The following STARD13 variants were observed in gnomAD, a reference collection of about 807,000 sequenced individuals.
The protein encoded by STARD13 is stAR-related lipid transfer protein 13.
A neutral mutation model predicts 106.4 loss-of-function variants in STARD13; 62 were observed. The observed-to-expected ratio is 0.58, with a 90% CI of 0.48 to 0.72. The LOEUF is 0.72. STARD13 is among the 30% of genes least tolerant of loss of function. STARD13 has a pLI of 0.00. For missense variants in STARD13, 1,387 were observed against 1,424.0 expected (o/e 0.97, Z 0.42); for synonymous variants, 565 against 553.0 (o/e 1.02, Z -0.31).
chr13:33,325,755 G>C (rs999409802), intron 1 of STARD13, among the ~76,000 whole-genome samples: 2 of 152,116 alleles, frequency 1.3e-5, no homozygotes, highest in Non-Finnish European at 2.9e-5. Flanking sequence ...AGCACTTGGG[G>C]AGGCCGAGGC....
At chr13:33,376,073 GACCATATTACTTAA>G in the STARD13 span, among the ~76,000 whole-genome samples, 1 of 151,906 alleles carries the variant, frequency 6.6e-6, no homozygotes, top group African/African-American at 2.4e-5. Context: ...AGTATGGTTT[GACCATATTACTTAA>G]ACCATATTAC....
Position 33,322,694 on chromosome 13 carries a change from C to T in STARD13, c.124+27596G>A, listed in dbSNP as rs147403698. Among the ~76,000 whole-genome samples, 360 of 152,334 alleles carry T rather than the reference C, an allele frequency of 2.4e-3. 2 individuals are homozygous for T. The highest frequency in any genetic ancestry group is 8.2e-3 in the African/African-American group (341 of 41,578). On this transcript the variant is annotated intron_variant, in intron 1 of 5. Coordinates refer to the STARD13 transcript ENST00000567873. ...CTGGAAAGCATTCTATTTTGGTACA[C>T]AGCAAAAATTTATTTTTCTCTTGAT...
chr13:33,154,163 CG>C (rs1881660387), intron 3 of STARD13, among the ~76,000 whole-genome samples: 1 of 152,114 alleles, frequency 6.6e-6, no homozygotes, highest in South Asian at 2.1e-4. Context: ...GGGAGGGTGT[CG>C]GGCGCACTGG....
the STARD13 span, among the ~76,000 whole-genome samples, chr13:33,469,069 A>T: frequency 6.6e-6 from 1 of 152,246 alleles, no homozygotes; most frequent in Non-Finnish European, 1.5e-5. Flanking sequence ...ACTTGTTGCC[A>T]CAGCTAGCCT....
chr13:33,539,707 C>T, the STARD13 span, among the ~76,000 whole-genome samples: 1 of 152,214 alleles, frequency 6.6e-6, no homozygotes, highest in African/African-American at 2.4e-5. Flanking sequence ...TTGTGCCATA[C>T]TAAAAATTAA....
intron 3 of STARD13, among the ~76,000 whole-genome samples, chr13:33,163,891 A>G (rs942152133): frequency 2.3e-4 from 35 of 151,754 alleles, no homozygotes; most frequent in African/African-American, 8.5e-4. Flanking sequence ...TGAGAGATAA[A>G]ACTCAGGACG....
chr13:33,153,599 C>A (rs575883591), intron 3 of STARD13, among the ~76,000 whole-genome samples: 7 of 152,184 alleles, frequency 4.6e-5, no homozygotes, highest in Non-Finnish European at 8.8e-5. Context: ...AGACACCCAG[C>A]GGCCCTCTGC....
chr13:33,233,694 G>A (rs905285979), intron 1 of STARD13, among the ~76,000 whole-genome samples: 1 of 152,244 alleles, frequency 6.6e-6, no homozygotes, highest in African/African-American at 2.4e-5. Context: ...GATGAGGCAA[G>A]GGGCCAACTG....
the STARD13 span, among the ~76,000 whole-genome samples, chr13:33,539,279 T>G: frequency 4.6e-5 from 7 of 152,218 alleles, no homozygotes; most frequent in Non-Finnish European, 1.0e-4. Flanking sequence ...AAAGGAGATA[T>G]ATGCCATGTT....
the STARD13 span, among the ~76,000 whole-genome samples, chr13:33,421,074 C>T: frequency 1.3e-5 from 2 of 152,236 alleles, no homozygotes; most frequent in Non-Finnish European, 2.9e-5. Flanking sequence ...CATTCAAAAG[C>T]TAGCAGAAGG....
At chr13:33,610,544 C>A in the STARD13 span, among the ~76,000 whole-genome samples, 2 of 152,238 alleles carry the variant, frequency 1.3e-5, no homozygotes, top group African/African-American at 2.4e-5. Context: ...CTCCACGTGT[C>A]CTCAGGAGAC....
chr13:33,163,151 C>T (rs1187716764), intron 3 of STARD13, among the ~76,000 whole-genome samples: 5 of 152,144 alleles, frequency 3.3e-5, no homozygotes, highest in Non-Finnish European at 7.4e-5. Flanking sequence ...GACATATTCA[C>T]TACCATGAGA....
At chr13:33,254,225 C>T (rs917922946) in intron 1 of STARD13, among the ~76,000 whole-genome samples, 14 of 152,096 alleles carry the variant, frequency 9.2e-5, no homozygotes, top group Non-Finnish European at 1.3e-4. Context: ...GTCAAGTCAG[C>T]GGCAAAGAGG....
the STARD13 span, among the ~76,000 whole-genome samples, chr13:33,520,466 C>T: frequency 4.6e-5 from 7 of 152,190 alleles, no homozygotes; most frequent in Admixed American, 3.3e-4. Context: ...ATAGTTCATC[C>T]TAATTTAATC....
downstream of STARD13, among the ~76,000 whole-genome samples, chr13:33,346,380 T>C (rs1189328478): frequency 6.6e-6 from 1 of 152,196 alleles, no homozygotes; most frequent in Non-Finnish European, 1.5e-5. Flanking sequence ...TTTTCAAGTA[T>C]GTATGATCCC....
At chr13:33,419,917 G>T in the STARD13 span, among the ~76,000 whole-genome samples, 1 of 152,156 alleles carries the variant, frequency 6.6e-6, no homozygotes. Context: ...GAGAGATTTT[G>T]TCCCCACCAG....
chr13:33,395,079 T>C, the STARD13 span, among the ~76,000 whole-genome samples: 1 of 152,212 alleles, frequency 6.6e-6, no homozygotes, highest in African/African-American at 2.4e-5. Context: ...ATTAGCTTTA[T>C]TTTTCAGGAA....
At chr13:33,536,687 C>T in the STARD13 span, among the ~76,000 whole-genome samples, 2 of 152,168 alleles carry the variant, frequency 1.3e-5, no homozygotes, top group South Asian at 2.1e-4. Context: ...TGGTAGATAC[C>T]TCTTTTAACG....
intron 1 of STARD13, among the ~76,000 whole-genome samples, chr13:33,218,351 T>A (rs1000636827): frequency 6.6e-6 from 1 of 152,054 alleles, no homozygotes; most frequent in Non-Finnish European, 1.5e-5. Flanking sequence ...AGGTGAAGGG[T>A]AAGTGAAAAT....
Sources: gnomAD v4.1 joint callset for allele counts (sites outside exome capture counted in the v4.1 genomes callset) on GRCh38, gnomAD v4.1.1 for gene constraint, MANE v1.5 for transcripts, NCBI Gene and HGNC (gene_info 2026-07-23, HGNC 2026-07-21) for gene names.